The following HDAC8 variants were observed in gnomAD, a reference collection of about 807,000 sequenced individuals.
HDAC8 encodes histone deacetylase-like 1.
A neutral mutation model predicts 32.2 loss-of-function variants in HDAC8; 1 was observed. The ratio of observed to expected loss-of-function variants is 0.03; its 90% CI spans 0.01 to 0.15. The LOEUF (loss-of-function observed/expected upper bound fraction) is 0.15. Ranked by LOEUF, HDAC8 falls within the 10% of genes least tolerant of loss-of-function variation. The probability of loss-of-function intolerance (pLI) is 1.00; values close to 1 mark genes in which losing one functional copy is unlikely to be tolerated. For missense variants in HDAC8, 117 were observed against 300.0 expected (o/e 0.39, Z 4.51); for synonymous variants, 108 against 113.9 (o/e 0.95, Z 0.33).
At chrX:72,481,161 CCTT>C (rs1189104425) in intron 7 of HDAC8, among the ~76,000 whole-genome samples, 1 of 110,981 alleles carries the variant, frequency 9.0e-6, no homozygotes, top group East Asian at 2.8e-4. Flanking sequence ...GCAAAGATGT[CCTT>C]CTTCACATGG....
intron 9 of HDAC8, among the ~76,000 whole-genome samples, chrX:72,417,210 G>A (rs782786378): frequency 1.8e-5 from 2 of 111,166 alleles, no homozygotes; most frequent in Admixed American, 9.6e-5. Context: ...CCTATTCAAC[G>A]TCATACTAGA....
At chrX:72,398,766 CT>C (rs782753845) in intron 9 of HDAC8, among the ~76,000 whole-genome samples, 7 of 102,562 alleles carry the variant, frequency 6.8e-5, no homozygotes, top group African/African-American at 1.1e-4. Context: ...TTTTTTCTTT[CT>C]TTTTTTTTGT....
At chrX:72,423,599 A>G (rs1377695051) in intron 9 of HDAC8, among the ~76,000 whole-genome samples, 3 of 112,420 alleles carry the variant, frequency 2.7e-5, no homozygotes, top group Non-Finnish European at 5.6e-5. Flanking sequence ...GATGACAACA[A>G]ATACTGTTCA....
chrX:72,458,997 A>C (rs1555990733), intron 9 of HDAC8, among the ~76,000 whole-genome samples: 1 of 111,728 alleles, frequency 9.0e-6, no homozygotes, highest in Non-Finnish European at 1.9e-5. Flanking sequence ...TGGTCCCATG[A>C]GGCACCAGTC....
At chrX:72,436,689 A>G (rs1445193922) in intron 9 of HDAC8, among the ~76,000 whole-genome samples, 2 of 112,046 alleles carry the variant, frequency 1.8e-5, no homozygotes, top group Non-Finnish European at 3.8e-5. Context: ...TAAATAAAAC[A>G]GACTTTCCTT....
intron 9 of HDAC8, among the ~76,000 whole-genome samples, chrX:72,399,153 T>C (rs144662076): frequency 1.6e-3 from 184 of 111,749 alleles, no homozygotes; most frequent in South Asian, 3.3e-3. Flanking sequence ...TAGAATTGAG[T>C]TTTGTGTTTG....
intron 4 of HDAC8, 73 bp from the exon 5 acceptor site, chrX:72,495,341 A>C: frequency 1.6e-6 from 1 of 620,874 alleles, no homozygotes; most frequent in Non-Finnish European, 2.5e-6. Context: ...CAAGGATCTA[A>C]CCCTTGAGAT....
chrX:72,422,185 T>C (rs1461732057), intron 9 of HDAC8, among the ~76,000 whole-genome samples: 2 of 111,330 alleles, frequency 1.8e-5, no homozygotes, highest in South Asian at 3.8e-4. Flanking sequence ...GCCTCTTGGA[T>C]CCTTATGTTC....
chrX:72,428,761 G>A (rs2046724008), intron 9 of HDAC8, among the ~76,000 whole-genome samples: 1 of 111,675 alleles, frequency 9.0e-6, no homozygotes, highest in South Asian at 3.8e-4. Flanking sequence ...TTTCAAAATG[G>A]AAATGACAAA....
chrX:72,349,909 T>C (rs1021002483), intron 10 of HDAC8, among the ~76,000 whole-genome samples: 1 of 111,635 alleles, frequency 9.0e-6, no homozygotes, highest in Non-Finnish European at 1.9e-5. Context: ...TTGTCTGTGC[T>C]CTACCAGGAT....
intron 4 of HDAC8, among the ~76,000 whole-genome samples, chrX:72,514,091 T>C (rs1342455264): frequency 8.9e-6 from 1 of 112,501 alleles, no homozygotes; most frequent in Non-Finnish European, 1.9e-5. Flanking sequence ...TGAAATTTAA[T>C]ACTGAAACTC....
intron 9 of HDAC8, among the ~76,000 whole-genome samples, chrX:72,423,576 A>G (rs1448214782): frequency 2.7e-5 from 3 of 112,347 alleles, no homozygotes; most frequent in African/African-American, 9.7e-5. Flanking sequence ...TTAACATTCA[A>G]TGTTTAAATT....
At chrX:72,522,087 G>A (rs1041290696) in intron 4 of HDAC8, among the ~76,000 whole-genome samples, 3 of 111,891 alleles carry the variant, frequency 2.7e-5, no homozygotes, top group Non-Finnish European at 5.6e-5. Flanking sequence ...CTTACCCAGT[G>A]GGTGAAACCC....
intron 7 of HDAC8, chrX:72,473,655 A>G (rs1369528735): frequency 2.7e-6 from 2 of 750,560 alleles, no homozygotes; most frequent in Admixed American, 1.8e-4. Context: ...CTAAACCACT[A>G]CAGTATATCT....
At chrX:72,346,314 G>A (rs2044027031) in intron 10 of HDAC8, among the ~76,000 whole-genome samples, 1 of 112,025 alleles carries the variant, frequency 8.9e-6, no homozygotes, top group African/African-American at 3.2e-5. Context: ...TAAAGCAAAT[G>A]GTCAGTTTAT....
chrX:72,474,664 C>T, intron 7 of HDAC8: 9 of 1,207,112 alleles, frequency 7.5e-6, no homozygotes, highest in Non-Finnish European at 1.0e-5. Flanking sequence ...CAAGGCTATG[C>T]AAATGGGGAA....
intron 4 of HDAC8, among the ~76,000 whole-genome samples, chrX:72,563,987 C>G (rs1556127526): frequency 1.8e-5 from 2 of 110,995 alleles, no homozygotes; most frequent in African/African-American, 6.6e-5. Flanking sequence ...CGGTGAAACC[C>G]CGTCTCTACT....
chrX:72,402,051 A>C (rs1040574212), intron 9 of HDAC8, among the ~76,000 whole-genome samples: 8 of 111,538 alleles, frequency 7.2e-5, no homozygotes, highest in Admixed American at 3.8e-4. Flanking sequence ...AGGTCTATTC[A>C]GATTTTCTTT....
At chrX:72,568,108 C>A in intron 3 of HDAC8, 78 bp from the exon 4 acceptor site, 2 of 926,128 alleles carry the variant, frequency 2.2e-6, no homozygotes, top group Non-Finnish European at 3.1e-6. Flanking sequence ...GTGACAACAA[C>A]CTAACCTACT....
Sources: allele counts gnomAD v4.1 joint callset (sites outside exome capture counted in the v4.1 genomes callset), GRCh38; gene constraint gnomAD v4.1.1; transcripts MANE v1.5; gene names NCBI Gene and HGNC (gene_info 2026-07-23, HGNC 2026-07-21).